TMEM266: variants seen among roughly 807,000 people sequenced by gnomAD.
TMEM266 encodes the protein Hv1 related protein 1.
TMEM266 carries 33 observed loss-of-function variants against 50.5 expected under a neutral mutation model. The observed-to-expected ratio is 0.65, with a 90% CI of 0.50 to 0.87. The LOEUF is 0.87. Ranked by LOEUF, TMEM266 falls within the 40% of genes least tolerant of loss-of-function variation. TMEM266 has a pLI of 0.00. For missense variants in TMEM266, 655 were observed against 695.1 expected, an observed-to-expected ratio of 0.94 and a Z score of 0.65; for synonymous variants, 310 against 292.3, an observed-to-expected ratio of 1.06 and a Z score of -0.62.
chr15:76,135,662 C>T (rs143381170), intron 2 of TMEM266, among the ~76,000 whole-genome samples: 11 of 152,320 alleles, frequency 7.2e-5, no homozygotes, highest in African/African-American at 2.4e-4. Context: ...ACTGAAACCT[C>T]ACATTCTGTT....
chr15:76,191,340 C>CAAAG (rs1261184455), intron 8 of TMEM266: 1 of 152,254 alleles, frequency 6.6e-6, no homozygotes, highest in Non-Finnish European at 1.5e-5. Context: ...CCCAAGTCCT[C>CAAAG]AAAGAGGTGA....
At chr15:76,081,692 A>G (rs1237928290) in intron 1 of TMEM266, among the ~76,000 whole-genome samples, 2 of 152,156 alleles carry the variant, frequency 1.3e-5, no homozygotes, top group East Asian at 1.9e-4. Flanking sequence ...GGGTCTGTAT[A>G]CTTGGAGGTT....
chr15:76,072,521 C>A (rs1487918065), intron 1 of TMEM266, among the ~76,000 whole-genome samples: 1 of 151,028 alleles, frequency 6.6e-6, no homozygotes, highest in East Asian at 2.0e-4. Flanking sequence ...TTTTCACAAA[C>A]TAGGAGTGAG....
intron 1 of TMEM266, among the ~76,000 whole-genome samples, chr15:76,103,116 C>T (rs2142004917): frequency 6.6e-6 from 1 of 151,964 alleles, no homozygotes; most frequent in East Asian, 1.9e-4. Context: ...GGGTTTGGAC[C>T]AGGATGAGAG....
intron 1 of TMEM266, among the ~76,000 whole-genome samples, chr15:76,064,925 T>C (rs2036384426): frequency 6.6e-6 from 1 of 152,188 alleles, no homozygotes; most frequent in Non-Finnish European, 1.5e-5. Context: ...CATCCCACCC[T>C]GGTTACACAA....
At chr15:76,156,913 T>C (rs1252724537) in intron 4 of TMEM266, among the ~76,000 whole-genome samples, 155 bp downstream of exon 4, 1 of 152,178 alleles carries the variant, frequency 6.6e-6, no homozygotes, top group Admixed American at 6.5e-5. Context: ...GGATGGCCGC[T>C]GGGGAGGAAA....
intron 1 of TMEM266, among the ~76,000 whole-genome samples, chr15:76,080,559 T>C (rs1006101080): frequency 4.6e-5 from 7 of 151,164 alleles, no homozygotes; most frequent in African/African-American, 1.7e-4. Context: ...AAAGGCACCA[T>C]TTCAAACTGG....
At chr15:76,191,884 C>CT in intron 8 of TMEM266, 84 bp from the exon 9 acceptor site, 12 of 1,300,428 alleles carry the variant, frequency 9.2e-6, no homozygotes, top group Non-Finnish European at 1.2e-5. Flanking sequence ...CGCCCCCATG[C>CT]AGGAGCAAAG....
chr15:76,134,157 TTTG>T lies in TMEM266; in HGVS notation c.-96-8_-96-6del. ...CATCTGAAGGTAATAAGTTCCTATT[TTTG>T]TTTTCAGGGCACTATATTTGTATGT... On this transcript the variant is annotated splice_region_variant and splice_polypyrimidine_tract_variant and intron_variant, in intron 1 of 10. Coordinates refer to ENST00000388942, the MANE Select transcript of TMEM266 (RefSeq NM_152335.3). The T allele has an allele frequency of 8.0e-7, 1 of 1,256,424 alleles. No homozygotes were observed. Among genetic ancestry groups the T allele is most frequent in the Non-Finnish European group, 1.1e-6 (1 of 874,948 alleles). The allele number at this position is 1,256,424 out of a possible 1,614,324, so 77.8% of individuals were successfully genotyped here. A position where few individuals can be genotyped will look rare whatever the true frequency, so the allele number is the denominator to read the frequency against.
Position 76,156,179 on chromosome 15 carries a change from G to C in TMEM266, c.228-425G>C, listed in dbSNP as rs1214523830. On this transcript the variant is annotated intron_variant, in intron 3 of 10. Coordinates refer to ENST00000388942, the MANE Select transcript of TMEM266 (RefSeq NM_152335.3). ...AGTTCGAGACCAGCCTGGCCAACAT[G>C]ATGAAACCCCATCTCTACAAAAATA... Among the ~76,000 whole-genome samples the C allele has an allele frequency of 3.9e-5, 6 of 152,266 alleles. No individual in the cohort carries two copies. In the East Asian group the frequency reaches 1.2e-3, roughly 29 times the overall value.
chr15:76,189,883 C>T (rs572627331), intron 8 of TMEM266, among the ~76,000 whole-genome samples: 1 of 152,306 alleles, frequency 6.6e-6, no homozygotes, highest in African/African-American at 2.4e-5. Context: ...CCCTGCCCTA[C>T]TCCCAGCACA....
Position 76,135,329 on chromosome 15 carries a change from G to T in TMEM266, c.38+1028G>T, listed in dbSNP as rs1197267660. Among the ~76,000 whole-genome samples, 7 of 152,300 alleles carry T rather than the reference G, an allele frequency of 4.6e-5. No individual in the cohort carries two copies. In the South Asian group the frequency reaches 1.2e-3, roughly 27 times the overall value. On this transcript the variant is annotated intron_variant, in intron 2 of 10. Coordinates refer to ENST00000388942, the MANE Select transcript of TMEM266 (RefSeq NM_152335.3). Reference sequence around the variant, plus strand: ...CTGTGGGACCTTCACCTCACCAGAGGGGGCCTTGTCTCTCTGCTGAGGTGA... The same window carrying T: ...CTGTGGGACCTTCACCTCACCAGAGTGGGCCTTGTCTCTCTGCTGAGGTGA...
intron 1 of TMEM266, among the ~76,000 whole-genome samples, chr15:76,080,100 C>T (rs1372654494): frequency 6.6e-6 from 1 of 151,184 alleles, no homozygotes; most frequent in East Asian, 2.0e-4. Flanking sequence ...GGCGTGGTTG[C>T]TCACGCTTGT....
intron 9 of TMEM266, among the ~76,000 whole-genome samples, chr15:76,195,901 C>T (rs2038647940): frequency 6.6e-6 from 1 of 152,240 alleles, no homozygotes; most frequent in Non-Finnish European, 1.5e-5. Context: ...TACTCCTGCA[C>T]ATTCTAGGAG....
intron 8 of TMEM266, among the ~76,000 whole-genome samples, chr15:76,188,342 G>A (rs1224728627): frequency 1.3e-5 from 2 of 152,102 alleles, no homozygotes; most frequent in Non-Finnish European, 2.9e-5. Context: ...AGCAAAAGGG[G>A]GAAAAGCCCC....
At chr15:76,074,799 C>G (rs576596545) in intron 1 of TMEM266, among the ~76,000 whole-genome samples, 1 of 152,126 alleles carries the variant, frequency 6.6e-6, no homozygotes, top group African/African-American at 2.4e-5. Context: ...AGGGCTGTTT[C>G]AGTAACCCAG....
Position 76,183,103 on chromosome 15 carries a change from C to CTTTTTTTTTTTTTT in TMEM266, c.768+7446_768+7459dup, listed in dbSNP as rs71140199. Among the ~76,000 whole-genome samples, 17 of 44,168 alleles carry CTTTTTTTTTTTTTT rather than the reference C, an allele frequency of 3.8e-4. 3 individuals carry two copies. Among genetic ancestry groups the CTTTTTTTTTTTTTT allele is most frequent in the Admixed American group, 9.5e-4 (2 of 2,104 alleles). The allele number at this position is 44,168 out of a possible 152,430, so 29.0% of individuals were successfully genotyped here. On this transcript the variant is annotated intron_variant, in intron 8 of 10. Coordinates refer to ENST00000388942, the MANE Select transcript of TMEM266 (RefSeq NM_152335.3). ...CCTCCAGGCTGCTTCCATTTTGTGG[C>CTTTTTTTTTTTTTT]TTTTTTTTTTTTTTTTTTTTTTTTT...
At chr15:76,087,247 CTG>C (rs1220038730) in intron 1 of TMEM266, among the ~76,000 whole-genome samples, 1 of 151,902 alleles carries the variant, frequency 6.6e-6, no homozygotes, top group African/African-American at 2.4e-5. Context: ...CATGGGGAGA[CTG>C]TAATAATGCA....
intron 1 of TMEM266, among the ~76,000 whole-genome samples, chr15:76,108,116 G>T (rs537380835): frequency 6.6e-6 from 1 of 152,208 alleles, no homozygotes; most frequent in Non-Finnish European, 1.5e-5. Context: ...CTCATTGCAC[G>T]GGGGCACCAC....
Sources: gnomAD v4.1 joint callset for allele counts (sites outside exome capture counted in the v4.1 genomes callset) on GRCh38, gnomAD v4.1.1 for gene constraint, MANE v1.5 for transcripts, NCBI Gene and HGNC (gene_info 2026-07-23, HGNC 2026-07-21) for gene names.